LRP5: variants seen among roughly 807,000 people sequenced by gnomAD.
The protein encoded by LRP5 is LDL receptor related protein 5.
In LRP5, 62 loss-of-function variants were observed where a neutral mutation model predicts 154.1. That is an observed-to-expected ratio of 0.40 (90% confidence interval 0.33 to 0.50). The LOEUF is 0.50. Ranked by LOEUF, LRP5 falls within the 20% of genes least tolerant of loss-of-function variation. LRP5 has a pLI of 0.55. For synonymous variants in LRP5, 966 were observed against 1,011.5 expected (o/e 0.96, Z 0.85); for missense variants, 1,915 against 2,336.7 (o/e 0.82, Z 3.72).
At position 68,417,536 on chromosome 11, in the gene LRP5, C is replaced by T. The variant is rs573804293; in HGVS notation, c.3027+1009C>T. 1.9e-4 allele frequency among the ~76,000 whole-genome samples: 25 copies of T among 134,190 alleles called. 1 individual carries two copies. In the East Asian group the frequency reaches 5.4e-3, roughly 29 times the overall value. 88.0% of individuals were successfully genotyped at this position (134,190 alleles called of 152,430 possible). ...AGTGCAGTGGCATGATCTTGGCTCACTGCAACCTTTGCCTCCTATGTTCAA... is the reference window on the plus strand; with the variant it reads ...AGTGCAGTGGCATGATCTTGGCTCATTGCAACCTTTGCCTCCTATGTTCAA... On this transcript the variant is annotated intron_variant, in intron 13 of 22. Transcript: ENST00000294304.
chr11:68,436,666 C>T (rs1235984961), intron 18 of LRP5, among the ~76,000 whole-genome samples: 1 of 152,170 alleles, frequency 6.6e-6, no homozygotes, highest in Non-Finnish European at 1.5e-5. Flanking sequence ...GCAGGAGGTG[C>T]GTTGAGGTCT....
intron 1 of LRP5, among the ~76,000 whole-genome samples, chr11:68,344,510 A>G (rs2098611096): frequency 6.6e-6 from 1 of 151,740 alleles, no homozygotes; most frequent in Non-Finnish European, 1.5e-5. Flanking sequence ...AGTAGAGGCA[A>G]GGTTTCGTCA....
chr11:68,344,870 T>TTTC (rs2098611560), intron 1 of LRP5, among the ~76,000 whole-genome samples: 2 of 134,438 alleles, frequency 1.5e-5, no homozygotes, highest in African/African-American at 5.7e-5. Context: ...TTTTTTTTTT[T>TTTC]TTTTTTTTTG....
upstream of LRP5, among the ~76,000 whole-genome samples, chr11:68,311,757 A>C (rs2098588006): frequency 6.6e-6 from 1 of 152,258 alleles, no homozygotes; most frequent in African/African-American, 2.4e-5. Context: ...AAAGGAGGAA[A>C]GAGTGCGCGG....
At chr11:68,409,188 T>G (rs2098657850) in intron 9 of LRP5, among the ~76,000 whole-genome samples, 1 of 127,278 alleles carries the variant, frequency 7.9e-6, no homozygotes. Flanking sequence ...TAAATAAAAT[T>G]TATAAATTAT....
chr11:68,429,547 C>G, intron 16 of LRP5, 28 bp from the exon 17 acceptor site: 1 of 1,613,744 alleles, frequency 6.2e-7, no homozygotes, highest in Non-Finnish European at 8.5e-7. Flanking sequence ...AGAGCCTGAC[C>G]TCTGTTTGTC....
chr11:68,335,074 CTT>C (rs35822609), intron 1 of LRP5, among the ~76,000 whole-genome samples: 92 of 123,520 alleles, frequency 7.4e-4, no homozygotes, highest in Non-Finnish European at 8.4e-4. Context: ...CCTGACCTGG[CTT>C]TTTTTTTTTT....
rs1438303163 is a variant in LRP5 at position 68,386,844 on chromosome 11, G to A, written c.1412+132G>A. 1.7e-5 allele frequency: 19 copies of A among 1,089,886 alleles called. No individual in the cohort carries two copies. Among genetic ancestry groups the A allele is most frequent in the African/African-American group, 6.3e-5 (4 of 63,380 alleles). The allele number at this position is 1,089,886 out of a possible 1,614,324, so 67.5% of individuals were successfully genotyped here. A position where few individuals can be genotyped will look rare whatever the true frequency, so the allele number is the denominator to read the frequency against. On this transcript the variant is annotated intron_variant, in intron 6 of 22. Transcript: ENST00000294304. The surrounding 1 kb of genome is among the most constrained non-coding windows in gnomAD (Gnocchi z 7.9). ...CCGGAGGAGGGCTTGTTAAAACACCGGCAGCTGGGCCCCACCCCCAGAGCG... is the reference window on the plus strand; with the variant it reads ...CCGGAGGAGGGCTTGTTAAAACACCAGCAGCTGGGCCCCACCCCCAGAGCG...
At chr11:68,359,774 T>TTTTG (rs1266700342) in intron 3 of LRP5, among the ~76,000 whole-genome samples, 5 of 151,548 alleles carry the variant, frequency 3.3e-5, no homozygotes, top group African/African-American at 4.9e-5. Context: ...TGACCTCTTT[T>TTTTG]TTTGTTTGTT....
chr11:68,367,417 T>C (rs1459480902), intron 5 of LRP5, among the ~76,000 whole-genome samples: 3 of 152,284 alleles, frequency 2.0e-5, no homozygotes, highest in African/African-American at 7.2e-5. Context: ...ACCTGGGCCC[T>C]GGTGGAGCAA....
chr11:68,416,662 G>T (rs988208681), intron 13 of LRP5, 135 bp downstream of exon 13: 10 of 802,548 alleles, frequency 1.2e-5, no homozygotes, highest in East Asian at 5.4e-5. Flanking sequence ...CTTGGGCTTC[G>T]ATTATGTAGT....
chr11:68,397,970 GTT>G (rs1491465187), intron 7 of LRP5, among the ~76,000 whole-genome samples: 3 of 139,494 alleles, frequency 2.2e-5, no homozygotes, highest in African/African-American at 8.2e-5. Flanking sequence ...AGCTGTGTGT[GTT>G]TGTGTGTGTG....
At chr11:68,337,868 A>G (rs986928079) in intron 1 of LRP5, among the ~76,000 whole-genome samples, 8 of 147,370 alleles carry the variant, frequency 5.4e-5, no homozygotes, top group African/African-American at 7.6e-5. Context: ...GATCTTCCCC[A>G]TCTAGAAAGC....
chr11:68,443,569 ATATATATATATATATAT>A (rs1314219368), intron 21 of LRP5, among the ~76,000 whole-genome samples: 1 of 38,136 alleles, frequency 2.6e-5, no homozygotes, highest in South Asian at 8.2e-4. Flanking sequence ...ATATATATAT[ATATATATATATATATAT>A]TTTTTTTTTT....
intron 1 of LRP5, among the ~76,000 whole-genome samples, chr11:68,344,717 A>AT (rs1484846022): frequency 3.3e-5 from 5 of 152,032 alleles, no homozygotes; most frequent in Non-Finnish European, 7.4e-5. Context: ...TTCTGTCTCA[A>AT]TGAATTTGCC....
intron 5 of LRP5, among the ~76,000 whole-genome samples, chr11:68,366,626 G>T (rs1188807204): frequency 1.3e-5 from 2 of 152,126 alleles, no homozygotes; most frequent in African/African-American, 2.4e-5. Flanking sequence ...GATTTTCCAG[G>T]TTTGTATTTG....
chr11:68,309,921 A>C (rs1405276048), upstream of LRP5, among the ~76,000 whole-genome samples: 3 of 152,168 alleles, frequency 2.0e-5, no homozygotes, highest in African/African-American at 7.2e-5. Flanking sequence ...CCTTCTTTAT[A>C]AATGTAGATC....
chr11:68,350,996 A>C (rs901111960), intron 2 of LRP5, among the ~76,000 whole-genome samples: 1 of 151,814 alleles, frequency 6.6e-6, no homozygotes, highest in Non-Finnish European at 1.5e-5. Context: ...TTGTGTGTGT[A>C]TGAGTGTGCG....
chr11:68,418,637 C>T (rs1003281782), intron 13 of LRP5, among the ~76,000 whole-genome samples: 6 of 152,200 alleles, frequency 3.9e-5, no homozygotes, highest in Admixed American at 6.5e-5. Context: ...ATCCTTCCTC[C>T]CGCAGCAGTT....
Sources: allele counts gnomAD v4.1 joint callset (sites outside exome capture counted in the v4.1 genomes callset), GRCh38; gene constraint gnomAD v4.1.1; non-coding constraint Gnocchi (gnomAD v3.1); transcripts MANE v1.5; gene names NCBI Gene and HGNC (gene_info 2026-07-23, HGNC 2026-07-21).